DLGAP1: variants seen among roughly 807,000 people sequenced by gnomAD.
DLGAP1 encodes DLG associated protein 1.
DLGAP1 carries 11 observed loss-of-function variants against 90.8 expected under a neutral mutation model. The ratio of observed to expected loss-of-function variants is 0.12; its 90% CI spans 0.08 to 0.20. DLGAP1 has a LOEUF of 0.20. Among genes scored for constraint, DLGAP1 ranks in the 10% least tolerant of loss-of-function variants. The pLI is 1.00. For synonymous variants in DLGAP1, 558 were observed against 540.7 expected (o/e 1.03, Z -0.44); for missense variants, 1,050 against 1,333.8 (o/e 0.79, Z 3.31).
At chr18:3,679,147 A>G (rs2060418372) in intron 7 of DLGAP1, among the ~76,000 whole-genome samples, 1 of 151,980 alleles carries the variant, frequency 6.6e-6, no homozygotes, top group Admixed American at 6.6e-5. Context: ...CTTGATCAAC[A>G]AGGCCCCCGT....
intron 2 of DLGAP1, among the ~76,000 whole-genome samples, chr18:4,065,768 T>C (rs2075361485): frequency 6.6e-6 from 1 of 152,008 alleles, no homozygotes; most frequent in Admixed American, 6.6e-5. Flanking sequence ...ATAAATTCAA[T>C]GCTATCCCCA....
At chr18:3,926,413 T>TACACAC (rs1198151023) in intron 3 of DLGAP1, among the ~76,000 whole-genome samples, 29 of 113,450 alleles carry the variant, frequency 2.6e-4, no homozygotes, top group African/African-American at 6.8e-4. Flanking sequence ...TATATATATA[T>TACACAC]ATATATATAC....
At chr18:3,548,290 GCAATT>G (rs900268085) in intron 9 of DLGAP1, among the ~76,000 whole-genome samples, 8 of 151,976 alleles carry the variant, frequency 5.3e-5, no homozygotes, top group East Asian at 3.9e-4. Flanking sequence ...AAAAAAATCA[GCAATT>G]CAATTCATCA....
chr18:3,738,823 T>C (rs1204906735), intron 6 of DLGAP1, among the ~76,000 whole-genome samples: 2 of 148,478 alleles, frequency 1.3e-5, no homozygotes, highest in African/African-American at 4.9e-5. Context: ...GAAACTACCA[T>C]CAGAGTGAAC....
At chr18:4,302,563 T>G (rs1449458312) in intron 1 of DLGAP1, among the ~76,000 whole-genome samples, 2 of 152,144 alleles carry the variant, frequency 1.3e-5, no homozygotes, top group Non-Finnish European at 2.9e-5. Flanking sequence ...AACACAAAGT[T>G]TTTAATGTAT....
intron 7 of DLGAP1, among the ~76,000 whole-genome samples, chr18:3,641,664 T>G (rs1381533111): frequency 6.6e-6 from 1 of 151,474 alleles, no homozygotes; most frequent in African/African-American, 2.4e-5. Context: ...AGTAGATTGG[T>G]TTTTCTGTAA....
At chr18:4,431,814 T>A (rs2083290150) in intron 1 of DLGAP1, among the ~76,000 whole-genome samples, 1 of 152,228 alleles carries the variant, frequency 6.6e-6, no homozygotes, top group Non-Finnish European at 1.5e-5. Context: ...AGATTGGCTA[T>A]GTAGAATCCC....
In DLGAP1 at chr18:4,387,923, TCACACATACA is replaced by T. The variant is rs1325478249; in HGVS notation, c.-267+67073_-267+67082del. Among the ~76,000 whole-genome samples, 114 of 33,686 alleles carry T rather than the reference TCACACATACA, an allele frequency of 3.4e-3. 1 individual carries two copies. The highest frequency in any genetic ancestry group is 6.5e-3 in the African/African-American group (110 of 16,966). 22.1% of individuals were successfully genotyped at this position (33,686 alleles called of 152,430 possible). On this transcript the variant is annotated intron_variant, in intron 1 of 12. Coordinates refer to ENST00000315677, the MANE Select transcript of DLGAP1 (RefSeq NM_004746.4). ...TCCAGCCTGGGTGACAGAGACTCCA[TCACACATACA>T]CACACACACACACACACACACACAC...
intron 2 of DLGAP1, among the ~76,000 whole-genome samples, chr18:4,145,960 G>C (rs996251721): frequency 3.3e-5 from 5 of 152,112 alleles, no homozygotes; most frequent in African/African-American, 1.2e-4. Context: ...TATAGAACCA[G>C]AGCTATCCCG....
chr18:4,117,241 GA>G (rs2076077221), intron 2 of DLGAP1, among the ~76,000 whole-genome samples: 1 of 152,168 alleles, frequency 6.6e-6, no homozygotes, highest in African/African-American at 2.4e-5. Flanking sequence ...AGAATTTTGA[GA>G]AAATAAATTT....
chr18:3,993,808 G>A (rs2074015874), intron 3 of DLGAP1, among the ~76,000 whole-genome samples: 5 of 152,074 alleles, frequency 3.3e-5, no homozygotes, highest in Admixed American at 2.6e-4. Flanking sequence ...AAATCAGGGT[G>A]CAGCATCTTT....
At chr18:4,348,021 TATAA>T (rs2081331567) in intron 1 of DLGAP1, among the ~76,000 whole-genome samples, 1 of 152,150 alleles carries the variant, frequency 6.6e-6, no homozygotes. Context: ...TACATTGCAT[TATAA>T]ATAAATAACC....
At chr18:3,921,182 T>C (rs576143924) in intron 3 of DLGAP1, among the ~76,000 whole-genome samples, 14 of 152,356 alleles carry the variant, frequency 9.2e-5, no homozygotes, top group African/African-American at 3.4e-4. Flanking sequence ...ACCTGGGTTT[T>C]TGTTCTAGCT....
chr18:3,564,669 G>A (rs2054332723), intron 9 of DLGAP1, among the ~76,000 whole-genome samples: 1 of 152,106 alleles, frequency 6.6e-6, no homozygotes, highest in South Asian at 2.1e-4. Flanking sequence ...GGGTTTCCTT[G>A]GAGCTTTTAA....
chr18:4,157,704 G>A (rs2076780099), intron 1 of DLGAP1, among the ~76,000 whole-genome samples: 1 of 152,174 alleles, frequency 6.6e-6, no homozygotes, highest in Non-Finnish European at 1.5e-5. Context: ...CAGCCATTCT[G>A]CGCTGCCTCA....
chr18:4,418,736 C>A (rs532269354), intron 1 of DLGAP1, among the ~76,000 whole-genome samples: 1 of 152,036 alleles, frequency 6.6e-6, no homozygotes, highest in South Asian at 2.1e-4. Context: ...AATGGTCTAA[C>A]TGACATGTAA....
intron 5 of DLGAP1, among the ~76,000 whole-genome samples, chr18:3,799,104 T>C (rs867862916): frequency 6.6e-6 from 1 of 152,198 alleles, no homozygotes; most frequent in Admixed American, 6.5e-5. Context: ...CTTGAACTCC[T>C]GACCTCGTGA....
At chr18:3,594,014 A>G (rs1485823541) in intron 7 of DLGAP1, 1 of 151,986 alleles carries the variant, frequency 6.6e-6, no homozygotes, top group Non-Finnish European at 1.5e-5. Flanking sequence ...ATTAAAGAAA[A>G]AAAAAAAAAA....
chr18:4,134,918 A>C (rs368675224), intron 2 of DLGAP1, among the ~76,000 whole-genome samples: 1 of 152,076 alleles, frequency 6.6e-6, no homozygotes, highest in Non-Finnish European at 1.5e-5. Context: ...TCTACAGTGG[A>C]TCTTCCAAGA....
Sources: gnomAD v4.1 joint callset for allele counts (sites outside exome capture counted in the v4.1 genomes callset) on GRCh38, gnomAD v4.1.1 for gene constraint, MANE v1.5 for transcripts, NCBI Gene and HGNC (gene_info 2026-07-23, HGNC 2026-07-21) for gene names.